Variants in TRPM6 observed in about 807,000 individuals in gnomAD.
TRPM6 encodes the protein channel kinase 2.
TRPM6 carries 111 observed loss-of-function variants against 247.6 expected under a neutral mutation model. The ratio of observed to expected loss-of-function variants is 0.45; its 90% CI spans 0.38 to 0.52. The LOEUF is 0.52. Among genes scored for constraint, TRPM6 ranks in the 20% least tolerant of loss-of-function variants. The pLI is 0.00. For missense variants in TRPM6, 2,126 were observed against 2,421.5 expected, an observed-to-expected ratio of 0.88 and a Z score of 2.56; for synonymous variants, 892 against 853.8, an observed-to-expected ratio of 1.04 and a Z score of -0.78.
intron 9 of TRPM6, 27 bp downstream of exon 9, chr9:74,820,277 G>A (rs1230226725): frequency 1.9e-6 from 3 of 1,611,770 alleles, no homozygotes; most frequent in East Asian, 4.5e-5. Flanking sequence ...TCTTAAGTCA[G>A]TTGAATCATC....
rs201565660 is a variant in TRPM6 at position 74,725,369 on chromosome 9, AT to A, written c.5936-624del. ...TGCTAGCCTAGAACATGTATTTCTTATTTTTTTAATGTTAAATGAGGATTAT... is the reference window on the plus strand; with the variant it reads ...TGCTAGCCTAGAACATGTATTTCTTATTTTTTAATGTTAAATGAGGATTAT... On this transcript the variant is annotated intron_variant, in intron 38 of 38. Coordinates refer to ENST00000360774, the MANE Select transcript of TRPM6 (RefSeq NM_017662.5). Among the ~76,000 whole-genome samples the A allele has an allele frequency of 6.4e-3, 968 of 152,220 alleles. 4 individuals are homozygous for A. The highest frequency in any genetic ancestry group is 0.022 in the African/African-American group (907 of 41,530).
intron 2 of TRPM6, among the ~76,000 whole-genome samples, chr9:74,856,445 A>G (rs62569736): frequency 3.4e-4 from 43 of 125,304 alleles, no homozygotes; most frequent in African/African-American, 1.4e-3. Flanking sequence ...GTCTCAAAAT[A>G]TGTGTGTGTG....
chr9:74,733,401 A>C (rs1224205039), intron 36 of TRPM6, among the ~76,000 whole-genome samples: 2 of 152,122 alleles, frequency 1.3e-5, no homozygotes, highest in African/African-American at 2.4e-5. Flanking sequence ...GTTATAATAA[A>C]CTTCTAGGCC....
chr9:74,803,470 G>C (rs1403298467), intron 15 of TRPM6, among the ~76,000 whole-genome samples: 1 of 152,176 alleles, frequency 6.6e-6, no homozygotes, highest in African/African-American at 2.4e-5. Flanking sequence ...TGGCCTTAGG[G>C]AACAGCACAT....
chr9:74,772,408 G>C (rs1827078975), intron 24 of TRPM6, among the ~76,000 whole-genome samples: 1 of 152,140 alleles, frequency 6.6e-6, no homozygotes, highest in Non-Finnish European at 1.5e-5. Flanking sequence ...TCACATTTAA[G>C]AAAAATTCAC....
chr9:74,861,308 T>C (rs1212613232), intron 1 of TRPM6, among the ~76,000 whole-genome samples: 1 of 152,138 alleles, frequency 6.6e-6, no homozygotes, highest in East Asian at 1.9e-4. Flanking sequence ...CGAGACAAAG[T>C]TCCTGCTCTC....
intron 5 of TRPM6, among the ~76,000 whole-genome samples, chr9:74,839,118 A>AG (rs2118179502): frequency 6.6e-6 from 1 of 151,928 alleles, no homozygotes; most frequent in South Asian, 2.1e-4. Context: ...CTCAAAAAAA[A>AG]AAAAAAAAAG....
At chr9:74,800,781 C>A (rs866334165) in intron 16 of TRPM6, among the ~76,000 whole-genome samples, 37 of 151,908 alleles carry the variant, frequency 2.4e-4, no homozygotes, top group African/African-American at 8.5e-4. Context: ...TTAATTTACA[C>A]CTGAGCTATT....
At chr9:74,887,142 G>T in intron 1 of TRPM6, 1 of 777,882 alleles carries the variant, frequency 1.3e-6, no homozygotes, top group Non-Finnish European at 1.8e-6. Context: ...GCCAGCGGTG[G>T]AGAGGAGCCA....
chr9:74,751,596 A>T (rs139108085), intron 29 of TRPM6, among the ~76,000 whole-genome samples: 30 of 152,336 alleles, frequency 2.0e-4, no homozygotes, highest in Non-Finnish European at 4.1e-4. Context: ...TTCTTGGGTT[A>T]AGCTAACTAT....
intron 31 of TRPM6, among the ~76,000 whole-genome samples, chr9:74,746,872 G>A (rs1323511122): frequency 6.6e-6 from 1 of 152,004 alleles, no homozygotes; most frequent in African/African-American, 2.4e-5. Flanking sequence ...AGAAGGCAAG[G>A]TTAATAGCTA....
chr9:74,842,065 C>T (rs1307267675), intron 4 of TRPM6, 101 bp downstream of exon 4: 4 of 1,315,866 alleles, frequency 3.0e-6, no homozygotes, highest in South Asian at 2.4e-5. Context: ...GCGCCGAGAT[C>T]GTGCCATTGC....
chr9:74,799,351 T>C (rs1206721600), intron 17 of TRPM6, among the ~76,000 whole-genome samples: 1 of 152,184 alleles, frequency 6.6e-6, no homozygotes, highest in Non-Finnish European at 1.5e-5. Flanking sequence ...TCCTTAAGCT[T>C]GTCCATAACC....
At chr9:74,750,003 G>T (rs181937349) in intron 30 of TRPM6, among the ~76,000 whole-genome samples, 2 of 152,256 alleles carry the variant, frequency 1.3e-5, no homozygotes, top group Non-Finnish European at 2.9e-5. Flanking sequence ...GGAAAGTCCA[G>T]AAAATACTAC....
At chr9:74,810,002 A>AAC (rs1828671240) in intron 13 of TRPM6, among the ~76,000 whole-genome samples, 1 of 149,424 alleles carries the variant, frequency 6.7e-6, no homozygotes, top group Non-Finnish European at 1.5e-5. Flanking sequence ...AAAAAAAAAA[A>AAC]CAAGGATATG....
At chr9:74,805,547 C>T (rs1408189231) in intron 14 of TRPM6, among the ~76,000 whole-genome samples, 1 of 152,190 alleles carries the variant, frequency 6.6e-6, no homozygotes, top group Non-Finnish European at 1.5e-5. Context: ...GCTTAAGTAA[C>T]ATGTCTCAGA....
intron 36 of TRPM6, chr9:74,737,302 C>T (rs1289835229): frequency 8.4e-7 from 1 of 1,184,052 alleles, no homozygotes; most frequent in African/African-American, 1.6e-5. Context: ...AAATTTGTGT[C>T]ACATCCTTGA....
At chr9:74,809,432 GA>G (rs540392251) in intron 13 of TRPM6, among the ~76,000 whole-genome samples, 15 of 152,254 alleles carry the variant, frequency 9.9e-5, no homozygotes, top group African/African-American at 3.6e-4. Flanking sequence ...CTTGGAACAA[GA>G]AATAAGGTTA....
intron 3 of TRPM6, among the ~76,000 whole-genome samples, chr9:74,849,014 C>T (rs990467509): frequency 6.6e-5 from 10 of 152,144 alleles, no homozygotes; most frequent in African/African-American, 2.4e-4. Context: ...TATGCTGAAG[C>T]TCTGACCCCT....
Sources: allele counts gnomAD v4.1 joint callset (sites outside exome capture counted in the v4.1 genomes callset), GRCh38; gene constraint gnomAD v4.1.1; transcripts MANE v1.5; gene names NCBI Gene and HGNC (gene_info 2026-07-23, HGNC 2026-07-21).